HIP1: variants seen among roughly 807,000 people sequenced by gnomAD.
The protein encoded by HIP1 is huntingtin-interacting protein 1.
A neutral mutation model predicts 147.6 loss-of-function variants in HIP1; 65 were observed. The ratio of observed to expected loss-of-function variants is 0.44; its 90% CI spans 0.36 to 0.54. The LOEUF is 0.54. Among genes scored for constraint, HIP1 ranks in the 20% least tolerant of loss-of-function variants. The pLI is 0.00. For missense variants in HIP1, 1,061 were observed against 1,299.6 expected (o/e 0.82, Z 2.82); for synonymous variants, 479 against 504.0 (o/e 0.95, Z 0.67).
intron 1 of HIP1, 128 bp from the exon 2 acceptor site, chr7:75,599,375 C>T (rs587748862): frequency 1.5e-4 from 105 of 723,566 alleles, no homozygotes; most frequent in African/African-American, 1.1e-3. Context: ...CACGGGTGGT[C>T]GGTTCCTCTG....
At chr7:75,691,807 A>C (rs536552003) in intron 1 of HIP1, among the ~76,000 whole-genome samples, 15 of 152,222 alleles carry the variant, frequency 9.9e-5, no homozygotes, top group East Asian at 3.9e-4. Context: ...AACAAACAAA[A>C]AAAACTTCCA....
Position 75,728,449 on chromosome 7 carries a change from C to T in HIP1, c.120+10352G>A, listed in dbSNP as rs531640719. ...GGCATCTCTCCAGGTCATCAACCCT[C>T]CTTGATGCAGGAGGAGAGCTGGCTG... On this transcript the variant is annotated intron_variant, in intron 1 of 30. Coordinates refer to ENST00000336926, the MANE Select transcript of HIP1 (RefSeq NM_005338.7). 3.9e-5 allele frequency among the ~76,000 whole-genome samples: 6 copies of T among 152,366 alleles called. No homozygotes were observed. In the South Asian group the frequency reaches 8.3e-4, roughly 21 times the overall value.
intron 28 of HIP1, 70 bp downstream of exon 28, chr7:75,542,781 G>A (rs1054796781): frequency 6.9e-6 from 10 of 1,455,022 alleles, no homozygotes; most frequent in Non-Finnish European, 9.6e-6. Context: ...ATTTGGTTGG[G>A]ATCACAGGGA....
At chr7:75,696,667 C>T (rs918198940) in intron 1 of HIP1, among the ~76,000 whole-genome samples, 7 of 148,738 alleles carry the variant, frequency 4.7e-5, no homozygotes, top group African/African-American at 1.7e-4. Context: ...GTGGTATGAT[C>T]TTGGCTCACT....
At chr7:75,588,698 C>T (rs1440931076) in intron 4 of HIP1, among the ~76,000 whole-genome samples, 2 of 151,986 alleles carry the variant, frequency 1.3e-5, no homozygotes, top group Non-Finnish European at 2.9e-5. Context: ...CACCTGAGCT[C>T]AGGAGGTTGA....
In HIP1 at chr7:75,534,958, A is replaced by G. The variant is rs1487135325; in HGVS notation, c.*3214T>C. On this transcript the variant is annotated 3_prime_UTR_variant, in exon 31 of 31. Transcript: ENST00000336926. Reference sequence around the variant, plus strand: ...TTGCAGGTTCATTTTTAGCTTTAAGATGTGATTCCCGTTTTAATCCAAGGT... The same window carrying G: ...TTGCAGGTTCATTTTTAGCTTTAAGGTGTGATTCCCGTTTTAATCCAAGGT... 1.4e-5 allele frequency: 3 copies of G among 207,034 alleles called. No individual in the cohort carries two copies. Among genetic ancestry groups the G allele is most frequent in the African/African-American group, 6.8e-5 (3 of 43,854 alleles). The allele number at this position is 207,034 out of a possible 1,614,324, so 12.8% of individuals were successfully genotyped here. A position where few individuals can be genotyped will look rare whatever the true frequency, so the allele number is the denominator to read the frequency against.
At chr7:75,558,119 C>T in intron 15 of HIP1, 48 bp downstream of exon 15, 1 of 1,499,688 alleles carries the variant, frequency 6.7e-7, no homozygotes. Flanking sequence ...CGCTCTCTCC[C>T]TAGAGGTGCA....
intron 1 of HIP1, among the ~76,000 whole-genome samples, chr7:75,608,795 A>T (rs1012307551): frequency 6.6e-6 from 1 of 152,210 alleles, no homozygotes; most frequent in African/African-American, 2.4e-5. Context: ...TTCAGATTAC[A>T]TTAGATGACT....
intron 1 of HIP1, among the ~76,000 whole-genome samples, chr7:75,709,880 T>A (rs1280355786): frequency 1.3e-5 from 2 of 152,064 alleles, no homozygotes; most frequent in Admixed American, 6.6e-5. Flanking sequence ...GTTGAGTGTT[T>A]TTTTGTTTCT....
chr7:75,645,456 A>G (rs1240648458), intron 1 of HIP1, among the ~76,000 whole-genome samples: 1 of 151,994 alleles, frequency 6.6e-6, no homozygotes, highest in African/African-American at 2.4e-5. Flanking sequence ...CAAACTCCTG[A>G]CCTCAGGTGA....
chr7:75,637,000 C>T (rs1798447675), intron 1 of HIP1, among the ~76,000 whole-genome samples: 2 of 152,192 alleles, frequency 1.3e-5, no homozygotes, highest in South Asian at 2.1e-4. Context: ...CACCCAACCT[C>T]CAAGGGCCAA....
intron 1 of HIP1, among the ~76,000 whole-genome samples, chr7:75,645,803 G>A (rs1261390356): frequency 6.6e-6 from 1 of 152,224 alleles, no homozygotes; most frequent in African/African-American, 2.4e-5. Flanking sequence ...CATGGATGCA[G>A]CTGAAGGCCA....
In HIP1 at chr7:75,576,591, G is replaced by A. The variant is rs371067957; in HGVS notation, c.605-2690C>T. On this transcript the variant is annotated intron_variant, in intron 7 of 30. Transcript: ENST00000336926. ...ACAAAAATTGGCCAGGTGTGGTAGC[G>A]GGCACCTGTAGTCCCAGCTACTCAG... 2.8e-3 allele frequency among the ~76,000 whole-genome samples: 425 copies of A among 152,182 alleles called. 1 individual carries two copies. Among genetic ancestry groups the A allele is most frequent in the African/African-American group, 8.8e-3 (364 of 41,538 alleles).
chr7:75,559,848 T>C lies in HIP1; in HGVS notation c.1259A>G (p.Gln420Arg). ...SELEADLAEQ[Q>R]HLRQQAADDC... ...GTCGGCCGCCTGCTGCCGCAGGTGCTGCTGCTCGGCCAGATCTGCTTCCAG... is the reference window on the plus strand; with the variant it reads ...GTCGGCCGCCTGCTGCCGCAGGTGCCGCTGCTCGGCCAGATCTGCTTCCAG... Residue 420 changes from glutamine to arginine, a missense_variant, in exon 14 of 31, where the codon CAG becomes CGG. Gln to Arg is a conservative substitution (Grantham distance 43). Transcript: ENST00000336926. 6 of 1,612,762 alleles carry C rather than the reference T, an allele frequency of 3.7e-6. No homozygotes were observed. Among genetic ancestry groups the C allele is most frequent in the Non-Finnish European group, 5.1e-6 (6 of 1,179,886 alleles).
At chr7:75,570,915 TAGG>T (rs1439932275) in intron 8 of HIP1, among the ~76,000 whole-genome samples, 1 of 151,808 alleles carries the variant, frequency 6.6e-6, no homozygotes, top group Non-Finnish European at 1.5e-5. Context: ...GAGGCTGAGG[TAGG>T]AGAATTGCTT....
At chr7:75,538,649 A>G (rs1186153696) in intron 30 of HIP1, among the ~76,000 whole-genome samples, 12 of 139,498 alleles carry the variant, frequency 8.6e-5, no homozygotes, top group Admixed American at 5.0e-4. Context: ...ATCTCGGCTC[A>G]CTGCAAGCTC....
At chr7:75,737,216 G>T (rs762259017) in intron 1 of HIP1, among the ~76,000 whole-genome samples, 29 of 152,010 alleles carry the variant, frequency 1.9e-4, no homozygotes, top group Non-Finnish European at 3.7e-4. Flanking sequence ...GTGAGCTAAT[G>T]CACCCAGCCT....
chr7:75,684,447 C>CAAAAAAA (rs59055803), intron 1 of HIP1, among the ~76,000 whole-genome samples: 1 of 43,832 alleles, frequency 2.3e-5, no homozygotes, highest in African/African-American at 8.2e-5. Flanking sequence ...GACTCCGTCT[C>CAAAAAAA]AAAAAAAAAA....
At chr7:75,630,566 G>C (rs765819094) in intron 1 of HIP1, among the ~76,000 whole-genome samples, 27 of 151,654 alleles carry the variant, frequency 1.8e-4, no homozygotes, top group Non-Finnish European at 3.8e-4. Flanking sequence ...GGTAGTTTCT[G>C]AACAAATCCT....
Sources: allele counts gnomAD v4.1 joint callset (sites outside exome capture counted in the v4.1 genomes callset), GRCh38; gene constraint gnomAD v4.1.1; transcripts MANE v1.5; gene names NCBI Gene and HGNC (gene_info 2026-07-23, HGNC 2026-07-21).